The following ATP10B variants were observed in gnomAD, a reference collection of about 807,000 sequenced individuals.
The protein encoded by ATP10B is ATPase phospholipid transporting 10B (putative).
A neutral mutation model predicts 141.2 loss-of-function variants in ATP10B; 122 were observed. That is an observed-to-expected ratio of 0.86 (90% CI 0.75 to 1.00). The LOEUF (loss-of-function observed/expected upper bound fraction) is 1.00, where lower values mean the gene tolerates loss of function less well. Among genes scored for constraint, ATP10B ranks in the 50% least tolerant of loss-of-function variants. The probability of loss-of-function intolerance (pLI) is 0.00; values close to 1 mark genes in which losing one functional copy is unlikely to be tolerated. For missense variants in ATP10B, 1,876 were observed against 1,825.3 expected (o/e 1.03, Z -0.51); for synonymous variants, 685 against 692.0 (o/e 0.99, Z 0.16).
chr5:160,892,745 T>A, the ATP10B span, among the ~76,000 whole-genome samples: 1 of 152,104 alleles, frequency 6.6e-6, no homozygotes, highest in Non-Finnish European at 1.5e-5. Flanking sequence ...ACAATACAGG[T>A]ATGGCTGGCA....
chr5:160,658,384 G>C (rs1034039985), intron 7 of ATP10B, among the ~76,000 whole-genome samples: 19 of 152,336 alleles, frequency 1.2e-4, no homozygotes, highest in African/African-American at 4.1e-4. Context: ...CTATAGGAGA[G>C]AGACAGAGGG....
At chr5:160,849,754 A>G (rs553998943) in intron 1 of ATP10B, among the ~76,000 whole-genome samples, 1 of 152,180 alleles carries the variant, frequency 6.6e-6, no homozygotes, top group South Asian at 2.1e-4. Context: ...TTTTTTTTCT[A>G]CTAAACAATA....
At chr5:160,582,821 T>C (rs1353829724) in intron 24 of ATP10B, among the ~76,000 whole-genome samples, 1 of 151,198 alleles carries the variant, frequency 6.6e-6, no homozygotes, top group Non-Finnish European at 1.5e-5. Context: ...AGCTTTCTCA[T>C]TAAGTTTATC....
chr5:160,698,210 C>A (rs1480238743), intron 3 of ATP10B, among the ~76,000 whole-genome samples: 3 of 152,086 alleles, frequency 2.0e-5, no homozygotes, highest in Non-Finnish European at 4.4e-5. Flanking sequence ...CAGGAGTACC[C>A]ATTTCCGTGA....
At chr5:160,906,584 C>T in the ATP10B span, among the ~76,000 whole-genome samples, 1 of 152,176 alleles carries the variant, frequency 6.6e-6, no homozygotes, top group African/African-American at 2.4e-5. Context: ...TGTAGATTAG[C>T]AGATCTATAC....
chr5:160,733,578 C>A (rs559143891), intron 2 of ATP10B, among the ~76,000 whole-genome samples: 1 of 151,774 alleles, frequency 6.6e-6, no homozygotes. Context: ...ATATATATGT[C>A]ACATATGTTA....
At chr5:160,825,105 G>A (rs1454090105) in intron 1 of ATP10B, among the ~76,000 whole-genome samples, 1 of 151,876 alleles carries the variant, frequency 6.6e-6, no homozygotes, top group African/African-American at 2.4e-5. Context: ...TCCTTTTTAT[G>A]TCTCTCTACC....
At chr5:160,672,919 G>A (rs547692366) in intron 6 of ATP10B, among the ~76,000 whole-genome samples, 8 of 152,314 alleles carry the variant, frequency 5.3e-5, no homozygotes, top group Middle Eastern at 3.4e-3. Flanking sequence ...AATCTTCCTG[G>A]TTATAAAAGA....
chr5:160,838,175 C>T (rs147903295), intron 1 of ATP10B, among the ~76,000 whole-genome samples: 2,035 of 152,282 alleles, frequency 0.013, 24 homozygotes, highest in Non-Finnish European at 0.022. Flanking sequence ...CTACATGGGA[C>T]AGCTGGTGCT....
intron 2 of ATP10B, among the ~76,000 whole-genome samples, chr5:160,733,311 C>G (rs1286595951): frequency 6.6e-6 from 1 of 151,916 alleles, no homozygotes; most frequent in African/African-American, 2.4e-5. Context: ...GCCACAGGAA[C>G]CTGTTAGATA....
chr5:160,644,150 C>T lies in ATP10B; in HGVS notation c.856G>A (p.Val286Ile), dbSNP rs753692238. 1 of 1,613,830 alleles carries T rather than the reference C, an allele frequency of 6.2e-7. No individual in the cohort carries two copies. The highest frequency in any genetic ancestry group is 1.1e-5 in the South Asian group (1 of 91,058). The change falls in exon 9 of 26, where the codon GTC becomes ATC. Residue 286 changes from valine to isoleucine, a missense_variant. Coordinates refer to ENST00000327245, the MANE Select transcript of ATP10B (RefSeq NM_025153.3). Reference sequence around the variant, plus strand: ...CCCAGACAATGACCTGCATAGATGACAATGCCAACAGCCATCTCGGTGTTT... The same window carrying T: ...CCCAGACAATGACCTGCATAGATGATAATGCCAACAGCCATCTCGGTGTTT... ...IRNTEMAVGI[V>I]IYAGHETKAM...
At chr5:160,881,533 C>A in the ATP10B span, among the ~76,000 whole-genome samples, 1 of 152,126 alleles carries the variant, frequency 6.6e-6, no homozygotes, top group Non-Finnish European at 1.5e-5. Flanking sequence ...AAAATTTCGG[C>A]CGGGCGTGGT....
At chr5:160,696,547 C>T (rs1268834951) in intron 3 of ATP10B, among the ~76,000 whole-genome samples, 2 of 152,170 alleles carry the variant, frequency 1.3e-5, no homozygotes, top group Admixed American at 1.3e-4. Flanking sequence ...TCCCTTATGA[C>T]AACATTGGCC....
chr5:160,748,031 G>T (rs553016087), intron 2 of ATP10B, among the ~76,000 whole-genome samples: 2 of 151,192 alleles, frequency 1.3e-5, no homozygotes, highest in Non-Finnish European at 2.9e-5. Context: ...CCGGGGTTGT[G>T]GCGGGGAGCG....
At chr5:160,608,837 T>G (rs1757551469) in intron 18 of ATP10B, among the ~76,000 whole-genome samples, 3 of 152,240 alleles carry the variant, frequency 2.0e-5, no homozygotes, top group Non-Finnish European at 4.4e-5. Context: ...ATTAGCCCTT[T>G]GTCAGATGGG....
chr5:160,731,514 G>A (rs1214098860), intron 2 of ATP10B, among the ~76,000 whole-genome samples: 1 of 152,198 alleles, frequency 6.6e-6, no homozygotes, highest in Non-Finnish European at 1.5e-5. Flanking sequence ...GTAGAATCTG[G>A]TCAAGTAGTC....
rs1770639323 is a variant in ATP10B at position 160,780,429 on chromosome 5, C to CA, written c.-331+5129dup. The stretch of plus-strand genomic sequence containing the variant: ...AATGCATTTGTTTCAGAAATGCAGG[C>CA]AGTTGAGATTAACCACATACAAAAC... On this transcript the variant is annotated intron_variant, in intron 2 of 25. Transcript: ENST00000327245. 1.3e-5 allele frequency among the ~76,000 whole-genome samples: 2 copies of CA among 152,118 alleles called. 1 individual carries two copies. Among genetic ancestry groups the CA allele is most frequent in the African/African-American group, 4.8e-5 (2 of 41,428 alleles).
intron 7 of ATP10B, among the ~76,000 whole-genome samples, chr5:160,668,054 A>T (rs1490262551): frequency 6.6e-6 from 1 of 152,042 alleles, no homozygotes; most frequent in Admixed American, 6.6e-5. Flanking sequence ...ACATGGCAAA[A>T]ACCCTGTCTC....
chr5:160,661,439 T>G (rs1761904289), intron 7 of ATP10B, among the ~76,000 whole-genome samples: 1 of 152,230 alleles, frequency 6.6e-6, no homozygotes, highest in Admixed American at 6.5e-5. Flanking sequence ...TTAGGTATGA[T>G]AATATAATCA....
Sources: gnomAD v4.1 joint callset for allele counts (sites outside exome capture counted in the v4.1 genomes callset) on GRCh38, gnomAD v4.1.1 for gene constraint, MANE v1.5 for transcripts, NCBI Gene and HGNC (gene_info 2026-07-23, HGNC 2026-07-21) for gene names.